The following ITGA6 variants were observed in gnomAD, a reference collection of about 807,000 sequenced individuals.
The protein encoded by ITGA6 is integrin subunit alpha 6.
Under a neutral mutation model 133.6 loss-of-function variants are expected in ITGA6, and 63 were observed. The observed-to-expected ratio is 0.47, with a 90% CI of 0.38 to 0.58. The LOEUF is 0.58. ITGA6 is among the 20% of genes least tolerant of loss of function. The pLI is 0.00. For missense variants in ITGA6, 1,068 were observed against 1,309.4 expected (o/e 0.82, Z 2.85); for synonymous variants, 434 against 482.0 (o/e 0.90, Z 1.30).
In ITGA6 at chr2:172,487,439, C is replaced by T. The variant is rs1392652813; in HGVS notation, c.2146C>T (p.Leu716=). The stretch of plus-strand genomic sequence containing the variant: ...TTTAACCTATTCTGCATATAGAGAA[C>T]TGAGGGCTTTCCCTGTAAGTATTGT... ...DTLTYSAYRE[L]RAFPEKQLSC... The change falls in exon 15 of 26, where the codon CTG becomes TTG. Residue 716 remains leucine (L), a synonymous_variant. Coordinates refer to ENST00000684293, the MANE Select transcript of ITGA6 (RefSeq NM_000210.4). 6.2e-7 allele frequency: 1 copy of T among 1,614,028 alleles called. No homozygotes were observed. The highest frequency in any genetic ancestry group is 8.5e-7 in the Non-Finnish European group (1 of 1,179,908).
intron 10 of ITGA6, 36 bp from the exon 11 acceptor site, chr2:172,479,953 TG>T: frequency 7.0e-7 from 1 of 1,418,568 alleles, no homozygotes. Context: ...ACTGCAATAA[TG>T]GATCTTTTAA....
At position 172,485,238 on chromosome 2, in the gene ITGA6, G is replaced by A. The variant is rs1454885062; in HGVS notation, c.1828G>A (p.Asp610Asn). 6.2e-7 allele frequency: 1 copy of A among 1,614,148 alleles called. No homozygotes were observed. Among genetic ancestry groups the A allele is most frequent in the Non-Finnish European group, 8.5e-7 (1 of 1,180,006 alleles). ...AGAAGTTCTTCCAATTCTGAATTCA[G>A]ATGAACCCAAGACAGCTCATATTGA... Reference protein sequence around the residue: ...LPEVLPILNSDEPKTAHIDVH... With the variant: ...LPEVLPILNSNEPKTAHIDVH... Residue 610 changes from aspartate to asparagine, a missense_variant, in exon 13 of 26, where the codon GAT becomes AAT. By Grantham distance (23) the Asp-to-Asn change is conservative (BLOSUM62 1). This residue lies in a region of ITGA6 where 609 missense variants were observed against 707.2 expected (regional missense o/e 0.86). Transcript: ENST00000684293.
chr2:172,465,411 C>A, intron 1 of ITGA6, 128 bp from the exon 2 acceptor site: 2 of 1,112,646 alleles, frequency 1.8e-6, no homozygotes, highest in Non-Finnish European at 1.4e-6. Context: ...TCACTCACTG[C>A]CTAAGCTGTT....
intron 1 of ITGA6, among the ~76,000 whole-genome samples, chr2:172,452,127 C>T (rs1378153415): frequency 6.6e-6 from 1 of 152,062 alleles, no homozygotes; most frequent in Non-Finnish European, 1.5e-5. Flanking sequence ...GGAATGTAGT[C>T]CGTTTTCTTT....
At chr2:172,485,409 A>T in intron 13 of ITGA6, 145 bp downstream of exon 13, 1 of 776,588 alleles carries the variant, frequency 1.3e-6, no homozygotes, top group Non-Finnish European at 2.2e-6. Context: ...GCAAAGTTAG[A>T]GAAGACTTGT....
chr2:172,471,233 G>C, intron 5 of ITGA6, 128 bp downstream of exon 5: 1 of 1,032,048 alleles, frequency 9.7e-7, no homozygotes, highest in Non-Finnish European at 1.5e-6. Flanking sequence ...GGCCACTTTT[G>C]CTGGAATTTG....
chr2:172,476,335 C>T, intron 8 of ITGA6, 60 bp from the exon 9 acceptor site: 2 of 905,870 alleles, frequency 2.2e-6, no homozygotes, highest in Non-Finnish European at 3.8e-6. Context: ...TTTTTCAAAG[C>T]ATTGTTAAGA....
intron 1 of ITGA6, among the ~76,000 whole-genome samples, chr2:172,461,447 A>G (rs1268541421): frequency 6.6e-6 from 1 of 152,172 alleles, no homozygotes; most frequent in African/African-American, 2.4e-5. Context: ...TTGACCGCAT[A>G]TGGGAATAGA....
intron 11 of ITGA6, among the ~76,000 whole-genome samples, chr2:172,480,646 A>T (rs1423380721): frequency 6.6e-6 from 1 of 152,156 alleles, no homozygotes; most frequent in East Asian, 1.9e-4. Context: ...GTCCCTTAAC[A>T]TATGAGTTTG....
rs1311317370 is a variant in ITGA6 at position 172,501,834 on chromosome 2, C to T, written c.3177C>T (p.Ile1059=). Residue 1059 remains isoleucine, a synonymous_variant, in exon 25 of 26, where the codon ATC becomes ATT. Coordinates refer to ENST00000684293, the MANE Select transcript of ITGA6 (RefSeq NM_000210.4). ...HYDATYHKAE[I]HAQPSDKERL... ...ATGCCACATATCACAAGGCTGAGAT[C>T]CATGCTCAGCCATCTGATAAAGAGA... 1 of 1,605,978 alleles carries T rather than the reference C, an allele frequency of 6.2e-7. No individual in the cohort carries two copies. The highest frequency in any genetic ancestry group is 1.7e-5 in the Admixed American group (1 of 60,006).
chr2:172,453,397 A>G (rs1685087459), intron 1 of ITGA6, among the ~76,000 whole-genome samples: 1 of 152,042 alleles, frequency 6.6e-6, no homozygotes, highest in African/African-American at 2.4e-5. Context: ...GTGTGGTGAC[A>G]CACACCTGTA....
chr2:172,468,512 C>T (rs903764024), intron 3 of ITGA6, among the ~76,000 whole-genome samples: 16 of 152,174 alleles, frequency 1.1e-4, no homozygotes, highest in Admixed American at 7.2e-4. Context: ...GCCATTCATA[C>T]CCTGTAGAAA....
intron 1 of ITGA6, among the ~76,000 whole-genome samples, chr2:172,439,153 G>C (rs1465124992): frequency 6.6e-6 from 1 of 151,864 alleles, no homozygotes; most frequent in East Asian, 1.9e-4. Context: ...GACTGGGTGT[G>C]TGTGATACAG....
chr2:172,487,110 A>C lies in ITGA6; in HGVS notation c.1942A>C (p.Asn648His). 2 of 1,608,416 alleles carry C rather than the reference A, an allele frequency of 1.2e-6. No homozygotes were observed. The highest frequency in any genetic ancestry group is 1.7e-6 in the Non-Finnish European group (2 of 1,174,800). Reference protein sequence around the residue: ...LEYKFCTREGNQDKFSYLPIQ... With the variant: ...LEYKFCTREGHQDKFSYLPIQ... ...ATATAAATTTTGCACCCGAGAAGGA[A>C]ATCAAGACAAATTTTCTTATTTACC... Residue 648 changes from asparagine (N) to histidine (H), a missense_variant, in exon 14 of 26, where the codon AAT becomes CAT. This residue lies in a region of ITGA6 where 609 missense variants were observed against 707.2 expected (regional missense o/e 0.86). Transcript: ENST00000684293.
chr2:172,484,938 T>C lies in ITGA6; in HGVS notation c.1706T>C (p.Leu569Pro). 6.2e-7 allele frequency: 1 copy of C among 1,614,082 alleles called. No homozygotes were observed. Among genetic ancestry groups the C allele is most frequent in the Non-Finnish European group, 8.5e-7 (1 of 1,179,924 alleles). Residue 569 changes from leucine (L) to proline (P), a missense_variant, in exon 12 of 26, where the codon CTA becomes CCA. Physicochemically the swap from Leu to Pro is moderately conservative, Grantham distance 98. This residue lies in a region of ITGA6 where 609 missense variants were observed against 707.2 expected (regional missense o/e 0.86). Transcript: ENST00000684293. ...GTGTGCATGGAGGAAACCCTGTGGC[T>C]ACAGGTGAGGGCTGCAGATGGTCAC... is the stretch of plus-strand genomic sequence containing the variant. The part of the protein sequence containing the change: ...QKVCMEETLW[L>P]QDNIRDKLRP...
At chr2:172,445,972 C>T (rs1684752766) in intron 1 of ITGA6, among the ~76,000 whole-genome samples, 1 of 152,236 alleles carries the variant, frequency 6.6e-6, no homozygotes, top group Non-Finnish European at 1.5e-5. Context: ...TTGTGTGGCA[C>T]ATCCAGCTAA....
chr2:172,441,095 G>C (rs1684518895), intron 1 of ITGA6, among the ~76,000 whole-genome samples: 1 of 152,068 alleles, frequency 6.6e-6, no homozygotes, highest in Non-Finnish European at 1.5e-5. Context: ...CTATTACCTG[G>C]GAGCAGCTCT....
intron 1 of ITGA6, among the ~76,000 whole-genome samples, chr2:172,432,931 G>A (rs971709568): frequency 6.6e-6 from 1 of 152,150 alleles, no homozygotes; most frequent in African/African-American, 2.4e-5. Flanking sequence ...AATTGATAGC[G>A]GCAGGTTTAT....
chr2:172,474,326 C>A, intron 6 of ITGA6, 61 bp downstream of exon 6: 2 of 1,435,800 alleles, frequency 1.4e-6, no homozygotes, highest in Non-Finnish European at 2.0e-6. Context: ...AGCTTCTATA[C>A]GACTGGAGAA....
Sources: allele counts gnomAD v4.1 joint callset (sites outside exome capture counted in the v4.1 genomes callset), GRCh38; gene constraint gnomAD v4.1.1; regional missense constraint gnomAD v4.1.1; transcripts MANE v1.5; gene names NCBI Gene and HGNC (gene_info 2026-07-23, HGNC 2026-07-21).